Variants in IL1RL1 observed in about 807,000 individuals in gnomAD.
IL1RL1 encodes the protein interleukin-1 receptor-like 1.
Under a neutral mutation model 50.9 loss-of-function variants are expected in IL1RL1, and 32 were observed. The ratio of observed to expected loss-of-function variants is 0.63; its 90% CI spans 0.47 to 0.84. IL1RL1 has a LOEUF of 0.84. IL1RL1 is among the 40% of genes least tolerant of loss of function. The probability of loss-of-function intolerance (pLI) is 0.00; values close to 1 mark genes in which losing one functional copy is unlikely to be tolerated. For missense variants in IL1RL1, 773 were observed against 662.9 expected (o/e 1.17, Z -1.82); for synonymous variants, 275 against 236.0 (o/e 1.17, Z -1.51).
At chr2:102,340,021 TAAGTA>T in intron 3 of IL1RL1, 72 bp from the exon 4 acceptor site, 1 of 792,762 alleles carries the variant, frequency 1.3e-6, no homozygotes. Flanking sequence ...AAAGCAATAT[TAAGTA>T]AAGGCTGAAT....
intron 1 of IL1RL1, among the ~76,000 whole-genome samples, chr2:102,337,628 G>C (rs1010208172): frequency 3.3e-5 from 5 of 152,112 alleles, no homozygotes; most frequent in African/African-American, 1.2e-4. Context: ...CAATTACTTG[G>C]CTAATGCTTT....
chr2:102,325,295 A>G (rs1338773211), intron 1 of IL1RL1, among the ~76,000 whole-genome samples: 1 of 152,240 alleles, frequency 6.6e-6, no homozygotes, highest in Non-Finnish European at 1.5e-5. Context: ...GAGGGTCCTG[A>G]CAGTTAGAAG....
chr2:102,318,583 G>A (rs114631001), intron 1 of IL1RL1, among the ~76,000 whole-genome samples: 2,095 of 152,276 alleles, frequency 0.014, 55 homozygotes, highest in African/African-American at 0.048. Flanking sequence ...TGGACGGCAG[G>A]TGTAACTGCA....
intron 5 of IL1RL1, among the ~76,000 whole-genome samples, chr2:102,341,684 A>G (rs940263943): frequency 6.6e-6 from 1 of 152,204 alleles, no homozygotes; most frequent in African/African-American, 2.4e-5. Context: ...GTCATTAAAT[A>G]AATGAGCATG....
At chr2:102,342,941 T>G in intron 6 of IL1RL1, 95 bp from the exon 7 acceptor site, 1 of 1,240,532 alleles carries the variant, frequency 8.1e-7, no homozygotes, top group Admixed American at 2.1e-5. Context: ...GGGTGCATAC[T>G]AAGTGTTCAG....
intron 1 of IL1RL1, among the ~76,000 whole-genome samples, chr2:102,325,883 A>G (rs550031062): frequency 6.6e-6 from 1 of 152,244 alleles, no homozygotes; most frequent in African/African-American, 2.4e-5. Context: ...TGATTGGTAT[A>G]CCTGAAAGTG....
intron 1 of IL1RL1, among the ~76,000 whole-genome samples, chr2:102,330,074 G>T (rs760782721): frequency 3.3e-5 from 5 of 152,150 alleles, no homozygotes; most frequent in Non-Finnish European, 4.4e-5. Context: ...CAATAGCAAA[G>T]ACTTGGAACC....
At chr2:102,343,555 G>C in intron 8 of IL1RL1, 140 bp downstream of exon 8, 1 of 1,554,406 alleles carries the variant, frequency 6.4e-7, no homozygotes, top group South Asian at 1.2e-5. Flanking sequence ...TCGGGATGTT[G>C]TTTGCTGTCT....
Position 102,346,901 on chromosome 2 carries a change from A to C in IL1RL1, c.971-1044A>C, listed in dbSNP as rs1163280610. On this transcript the variant is annotated intron_variant, in intron 8 of 10. Coordinates refer to ENST00000233954, the MANE Select transcript of IL1RL1 (RefSeq NM_016232.5). Reference sequence around the variant, plus strand: ...AAGACGGAAAAGAACCGTATCAGCAAATCTCATTTGAGATTCTTCTCACAT... The same window carrying C: ...AAGACGGAAAAGAACCGTATCAGCACATCTCATTTGAGATTCTTCTCACAT... Among the ~76,000 whole-genome samples the C allele has an allele frequency of 3.3e-5, 5 of 152,340 alleles. No individual in the cohort carries two copies. In the South Asian group the frequency reaches 6.2e-4, roughly 19 times the overall value.
chr2:102,346,122 T>C (rs1301088285), intron 8 of IL1RL1: 1 of 909,798 alleles, frequency 1.1e-6, no homozygotes, highest in East Asian at 1.2e-4. Context: ...TGATGAATTC[T>C]TTTTTATTTC....
chr2:102,348,129 AG>A (rs1677833371), intron 9 of IL1RL1, 38 bp downstream of exon 9: 1 of 1,557,622 alleles, frequency 6.4e-7, no homozygotes, highest in Admixed American at 1.7e-5. Flanking sequence ...CCAAAGAAAA[AG>A]TCCCATAATA....
intron 1 of IL1RL1, among the ~76,000 whole-genome samples, chr2:102,322,191 G>A (rs1323431984): frequency 2.0e-5 from 3 of 152,174 alleles, no homozygotes; most frequent in East Asian, 3.8e-4. Context: ...TTCAGGCGGG[G>A]TTTCTGTGTT....
chr2:102,337,253 C>T (rs1379823179), intron 1 of IL1RL1: 1 of 152,212 alleles, frequency 6.6e-6, no homozygotes, highest in Admixed American at 6.6e-5. Flanking sequence ...AGTGAGTAGT[C>T]TATGAGGAGG....
At chr2:102,337,406 T>G (rs1677365855) in intron 1 of IL1RL1, 1 of 152,364 alleles carries the variant, frequency 6.6e-6, no homozygotes. Context: ...TGTGTTTATC[T>G]TTATGTTAGT....
chr2:102,322,742 C>T (rs1023545099), intron 1 of IL1RL1, among the ~76,000 whole-genome samples: 4 of 152,160 alleles, frequency 2.6e-5, no homozygotes, highest in African/African-American at 9.7e-5. Flanking sequence ...TATCATCATC[C>T]ATATCACCAT....
chr2:102,323,718 C>T (rs780878073), intron 1 of IL1RL1, among the ~76,000 whole-genome samples: 17 of 152,100 alleles, frequency 1.1e-4, no homozygotes, highest in Non-Finnish European at 1.8e-4. Context: ...ACCCCCATGA[C>T]CCAAATGCTC....
chr2:102,348,744 G>A (rs73004235), intron 9 of IL1RL1, among the ~76,000 whole-genome samples: 4,256 of 152,248 alleles, frequency 0.028, 179 homozygotes, highest in African/African-American at 0.096. Context: ...GGAGTATGGG[G>A]AAACCAAAGA....
At chr2:102,345,921 A>G in intron 8 of IL1RL1, 1 of 985,430 alleles carries the variant, frequency 1.0e-6, no homozygotes, top group Non-Finnish European at 1.2e-6. Context: ...CTGCTTTGCT[A>G]CGTTATCATT....
intron 1 of IL1RL1, among the ~76,000 whole-genome samples, chr2:102,335,220 T>C (rs1479871875): frequency 1.3e-5 from 2 of 152,246 alleles, no homozygotes; most frequent in South Asian, 2.1e-4. Flanking sequence ...CTCTCTGTTA[T>C]GTTGAATGGT....
Sources: allele counts gnomAD v4.1 joint callset (sites outside exome capture counted in the v4.1 genomes callset), GRCh38; gene constraint gnomAD v4.1.1; transcripts MANE v1.5; gene names NCBI Gene and HGNC (gene_info 2026-07-23, HGNC 2026-07-21).